Variants in TMEM259 observed in about 807,000 individuals in gnomAD.
TMEM259 encodes transmembrane protein 259, also known as membralin.
A neutral mutation model predicts 46.7 loss-of-function variants in TMEM259; 26 were observed. That is an observed-to-expected ratio of 0.56 (90% CI 0.41 to 0.77). The LOEUF (loss-of-function observed/expected upper bound fraction) is 0.77. Ranked by LOEUF, TMEM259 falls within the 30% of genes least tolerant of loss-of-function variation. The pLI is 0.00. For missense variants in TMEM259, 930 were observed against 900.5 expected, an observed-to-expected ratio of 1.03 and a Z score of -0.42; for synonymous variants, 494 against 395.1, an observed-to-expected ratio of 1.25 and a Z score of -2.97.
At position 1,020,919 on chromosome 19, in the gene TMEM259, C is replaced by A. The variant is rs11540361; in HGVS notation, c.78G>T (p.Gly26=). The change falls in exon 1 of 11, where the codon GGG becomes GGT. Residue 26 remains glycine, a synonymous_variant. Transcript: ENST00000356663. The surrounding 1 kb of genome is among the most constrained non-coding windows in gnomAD (Gnocchi z 4.0). ...TGGGGTTGAGATTGGGGGTGCGAGG[C>A]CCGCGCGCGGGGGCCGGGCCGCCGC... ...GGGGGPAPAR[G]PRTPNLNPNP... 7.9e-7 allele frequency: 1 copy of A among 1,271,242 alleles called. No homozygotes were observed. The highest frequency in any genetic ancestry group is 9.9e-7 in the Non-Finnish European group (1 of 1,007,508). The allele number at this position is 1,271,242 out of a possible 1,614,324, so 78.7% of individuals were successfully genotyped here. A position where few individuals can be genotyped will look rare whatever the true frequency, so the allele number is the denominator to read the frequency against.
intron 1 of TMEM259, among the ~76,000 whole-genome samples, chr19:1,017,047 T>G (rs1257133541): frequency 6.6e-6 from 1 of 152,088 alleles, no homozygotes; most frequent in Non-Finnish European, 1.5e-5. Flanking sequence ...AATGCCCCAC[T>G]GGACAAGGCC....
Position 1,014,059 on chromosome 19 carries a change from C to T in TMEM259, c.507+133G>A, listed in dbSNP as rs556159761. The T allele has an allele frequency of 4.4e-5, 51 of 1,153,862 alleles. No homozygotes were observed. The African/African-American group carries it at 6.0e-4, about 14-fold the overall frequency. The allele number at this position is 1,153,862 out of a possible 1,614,324, so 71.5% of individuals were successfully genotyped here. On this transcript the variant is annotated intron_variant, in intron 2 of 10. Transcript: ENST00000356663. The stretch of plus-strand genomic sequence containing the variant: ...ACCAAAAGGCCACGGCAGGCAGGGG[C>T]GGCCTTGTCTGCATGCCAGGTCCCT...
At chr19:1,012,406 G>C in intron 4 of TMEM259, 57 bp downstream of exon 4, 1 of 1,534,666 alleles carries the variant, frequency 6.5e-7, no homozygotes, top group South Asian at 1.2e-5. Flanking sequence ...GAGGAGACCC[G>C]AGGGAGGAGG....
At chr19:1,013,044 C>G (rs1419753262) in intron 3 of TMEM259, among the ~76,000 whole-genome samples, 197 bp downstream of exon 3, 3 of 152,196 alleles carry the variant, frequency 2.0e-5, no homozygotes, top group Non-Finnish European at 4.4e-5. Context: ...ATGAGCTGAG[C>G]CAGTTACCCC....
Position 1,010,351 on chromosome 19 carries a change from C to T in TMEM259, c.1862G>A (p.Ter621=). The T allele has an allele frequency of 6.7e-7, 1 of 1,487,074 alleles. No individual in the cohort carries two copies. The highest frequency in any genetic ancestry group is 8.9e-7 in the Non-Finnish European group (1 of 1,127,356). The allele number at this position is 1,487,074 out of a possible 1,614,324, so 92.1% of individuals were successfully genotyped here. A position where few individuals can be genotyped will look rare whatever the true frequency, so the allele number is the denominator to read the frequency against. ...TCAGAGGCGGCTCAGCTGTGCGGCT[C>T]AGGACCCCACCTCCGAGGGCGCCTC... ...PTEAPSEVGS[*] Residue 621 remains the stop codon, a stop_retained_variant, in exon 11 of 11, where the codon TGA becomes TAA. Transcript: ENST00000356663.
In TMEM259 at chr19:1,014,252, G is replaced by A; in HGVS notation, c.447C>T (p.Asp149=). ...GLAVEPGSNL[D]MEDEEEEELT... ...GCTCTTCCTCCTCCTCATCTTCCAT[G>A]TCCAGGTTGCTGCCTGGTTCCACGG... The change falls in exon 2 of 11, where the codon GAC becomes GAT. Residue 149 remains aspartate, a synonymous_variant. Coordinates refer to ENST00000356663, the MANE Select transcript of TMEM259 (RefSeq NM_001033026.2). The A allele has an allele frequency of 6.2e-6, 10 of 1,613,178 alleles. No homozygotes were observed. The highest frequency in any genetic ancestry group is 8.5e-6 in the Non-Finnish European group (10 of 1,179,744).
At chr19:1,014,044 C>A in intron 2 of TMEM259, 148 bp downstream of exon 2, 1 of 1,028,702 alleles carries the variant, frequency 9.7e-7, no homozygotes, top group South Asian at 1.6e-5. Context: ...ACCAAAAGGC[C>A]ACGGCAGGCA....
chr19:1,012,630 G>C (rs922002452), intron 3 of TMEM259, 57 bp from the exon 4 acceptor site: 21 of 1,532,030 alleles, frequency 1.4e-5, no homozygotes, highest in African/African-American at 2.7e-5. Context: ...CCCGCCCACT[G>C]CCAGCAGGCA....
chr19:1,019,057 G>A (rs893302413), intron 1 of TMEM259, among the ~76,000 whole-genome samples: 1 of 151,922 alleles, frequency 6.6e-6, no homozygotes, highest in Admixed American at 6.6e-5. Context: ...AGAGAGGAGG[G>A]ATTGGGGTTA....
chr19:1,018,144 G>A (rs535445654), intron 1 of TMEM259, among the ~76,000 whole-genome samples: 10 of 152,196 alleles, frequency 6.6e-5, no homozygotes, highest in Non-Finnish European at 1.0e-4. Flanking sequence ...AACCGCACAG[G>A]TGCAGGCACC....
In TMEM259 at chr19:1,012,559, C is replaced by T. The variant is rs745931155; in HGVS notation, c.622G>A (p.Glu208Lys). The change falls in exon 4 of 11, where the codon GAG becomes AAG. Residue 208 changes from glutamate to lysine, a missense_variant. Transcript: ENST00000356663. ...ETPTKVWPQD[E>K]YIVEYSLEYG... ...TCTAGTGAGTACTCCACGATGTACT[C>T]GTCCTGCGGCCACACTGCAGGGCAG... 23 of 1,586,430 alleles carry T rather than the reference C, an allele frequency of 1.4e-5. No homozygotes were observed. The highest frequency in any genetic ancestry group is 2.7e-5 in the African/African-American group (2 of 74,396).
At chr19:1,012,926 T>TGGGGGC (rs368521894) in intron 3 of TMEM259, among the ~76,000 whole-genome samples, 3 of 151,396 alleles carry the variant, frequency 2.0e-5, no homozygotes, top group Non-Finnish European at 4.4e-5. Context: ...TGGGCAGGGG[T>TGGGGGC]GGGGGCGGGG....
chr19:1,016,658 C>T (rs1019181301), intron 1 of TMEM259, among the ~76,000 whole-genome samples: 2 of 152,192 alleles, frequency 1.3e-5, no homozygotes, highest in Admixed American at 1.3e-4. Context: ...ACAGAGGTCC[C>T]GACAGACCTG....
In TMEM259 at chr19:1,010,043, G is replaced by T; in HGVS notation, c.*307C>A. 1 of 391,490 alleles carries T rather than the reference G, an allele frequency of 2.6e-6. No individual in the cohort carries two copies. The highest frequency in any genetic ancestry group is 4.4e-5 in the East Asian group (1 of 22,732). The allele number at this position is 391,490 out of a possible 1,614,324, so 24.3% of individuals were successfully genotyped here. A position where few individuals can be genotyped will look rare whatever the true frequency, so the allele number is the denominator to read the frequency against. ...CCTTGCTCAGAGACCTGCACCATGG[G>T]ACCCCACTCCATCCTCAGGACGGTT... On this transcript the variant is annotated 3_prime_UTR_variant, in exon 11 of 11. Coordinates refer to ENST00000356663, the MANE Select transcript of TMEM259 (RefSeq NM_001033026.2).
chr19:1,017,791 C>T (rs968849979), intron 1 of TMEM259, among the ~76,000 whole-genome samples: 1 of 152,140 alleles, frequency 6.6e-6, no homozygotes, highest in Non-Finnish European at 1.5e-5. Context: ...CACAAGCCCG[C>T]GGAGCCACAC....
At position 1,011,667 on chromosome 19, in the gene TMEM259, C is replaced by T. The variant is rs766363691; in HGVS notation, c.1001-4G>A. 2.5e-5 allele frequency: 38 copies of T among 1,544,200 alleles called. No homozygotes were observed. The East Asian group carries it at 5.4e-4, about 22-fold the overall frequency. On this transcript the variant is annotated splice_polypyrimidine_tract_variant and splice_region_variant and intron_variant, in intron 7 of 10. Coordinates refer to ENST00000356663, the MANE Select transcript of TMEM259 (RefSeq NM_001033026.2). Reference sequence around the variant, plus strand: ...TCCAGCATCTGCAGCAGGTCCACTGCGGGCACAGGGCGGCGGGCGCCCGGT... The same window carrying T: ...TCCAGCATCTGCAGCAGGTCCACTGTGGGCACAGGGCGGCGGGCGCCCGGT...
Position 1,011,912 on chromosome 19 carries a change from A to C in TMEM259, c.922T>G (p.Phe308Val), listed in dbSNP as rs1290610506. ...WMARTSYLAAFAIMVIFTLSV... is the reference protein window; with the variant it reads ...WMARTSYLAAVAIMVIFTLSV... Reference sequence around the variant, plus strand: ...CTCACGAAGATGACCATGATGGCGAAGGCGGCCAGGTAGGACGTCCGCGCC... The same window carrying C: ...CTCACGAAGATGACCATGATGGCGACGGCGGCCAGGTAGGACGTCCGCGCC... The change falls in exon 6 of 11, where the codon TTC becomes GTC. Residue 308 changes from phenylalanine to valine, a missense_variant. Physicochemically the swap from Phe to Val is conservative, Grantham distance 50. Transcript: ENST00000356663. 6.2e-7 allele frequency: 1 copy of C among 1,610,470 alleles called. No individual in the cohort carries two copies. Among genetic ancestry groups the C allele is most frequent in the East Asian group, 2.2e-5 (1 of 44,762 alleles).
chr19:1,015,589 C>A (rs569365814), intron 1 of TMEM259, among the ~76,000 whole-genome samples: 3 of 152,300 alleles, frequency 2.0e-5, no homozygotes, highest in Admixed American at 2.0e-4. Context: ...CGTCTACCTG[C>A]TGCCCCGATC....
intron 1 of TMEM259, among the ~76,000 whole-genome samples, chr19:1,018,248 G>A (rs2039173611): frequency 6.6e-6 from 1 of 152,184 alleles, no homozygotes; most frequent in Non-Finnish European, 1.5e-5. Context: ...GGTCTCCCGA[G>A]GGCCCCTGGA....
Sources: gnomAD v4.1 joint callset for allele counts (sites outside exome capture counted in the v4.1 genomes callset) on GRCh38, gnomAD v4.1.1 for gene constraint, Gnocchi (gnomAD v3.1) non-coding constraint, MANE v1.5 for transcripts, NCBI Gene and HGNC (gene_info 2026-07-23, HGNC 2026-07-21) for gene names.